The following CPN1 variants were observed in gnomAD, a reference collection of about 807,000 sequenced individuals.
CPN1 encodes carboxypeptidase N catalytic chain.
Under a neutral mutation model 46.4 loss-of-function variants are expected in CPN1, and 37 were observed. That is an observed-to-expected ratio of 0.80 (90% CI 0.61 to 1.05). CPN1 has a LOEUF of 1.05. CPN1 is among the 50% of genes least tolerant of loss of function. The pLI is 0.00. For missense variants in CPN1, 563 were observed against 602.6 expected (o/e 0.93, Z 0.69); for synonymous variants, 224 against 235.4 (o/e 0.95, Z 0.44).
In CPN1 at chr10:100,042,312, G is replaced by T; in HGVS notation, c.*115C>A. ...GAACAGATGGAGACCATTCTGAATT[G>T]TTCTGAATATGTTTGTATTTAAATA... On this transcript the variant is annotated 3_prime_UTR_variant, in exon 9 of 9. Transcript: ENST00000370418. 10 of 1,392,676 alleles carry T rather than the reference G, an allele frequency of 7.2e-6. No individual in the cohort carries two copies. The highest frequency in any genetic ancestry group is 1.0e-5 in the Non-Finnish European group (10 of 987,794). 86.3% of individuals were successfully genotyped at this position (1,392,676 alleles called of 1,614,324 possible).
chr10:100,069,809 G>C lies in CPN1; in HGVS notation c.481C>G (p.Arg161Gly). The C allele has an allele frequency of 6.2e-7, 1 of 1,613,824 alleles. No homozygotes were observed. The highest frequency in any genetic ancestry group is 8.5e-7 in the Non-Finnish European group (1 of 1,179,980). ...TAGGTATTGAGATCAGGGAAGTTGC[G>C]GTTCAGGTCCACTCCATTTGCATTG... ...RNNANGVDLN[R>G]NFPDLNTYIY... The change falls in exon 3 of 9, where the codon CGC (arginine) becomes GGC (glycine). Residue 161 changes from arginine (R) to glycine (G), a missense_variant. Physicochemically the swap from Arg to Gly is moderately radical, Grantham distance 125. Coordinates refer to ENST00000370418, the MANE Select transcript of CPN1 (RefSeq NM_001308.3).
At chr10:100,078,167 C>T (rs909091133) in intron 1 of CPN1, among the ~76,000 whole-genome samples, 1 of 152,114 alleles carries the variant, frequency 6.6e-6, no homozygotes, top group African/African-American at 2.4e-5. Flanking sequence ...CCCGCCTCAG[C>T]CTCCTGAGGA....
rs191109280 is a variant in CPN1, at chr10:100,055,766, C to T, written c.1011+1247G>A. Among the ~76,000 whole-genome samples the T allele has an allele frequency of 3.5e-4, 53 of 152,286 alleles. No homozygotes were observed. The East Asian group carries it at 5.2e-3, about 15-fold the overall frequency. On this transcript the variant is annotated intron_variant, in intron 6 of 8. Coordinates refer to ENST00000370418, the MANE Select transcript of CPN1 (RefSeq NM_001308.3). ...CTCAAACTCCCAAACTCAGGTGATCCGCCCGCCTCGGCCTCCCAAAGTGCT... is the reference window on the plus strand; with the variant it reads ...CTCAAACTCCCAAACTCAGGTGATCTGCCCGCCTCGGCCTCCCAAAGTGCT...
intron 1 of CPN1, 55 bp from the exon 2 acceptor site, chr10:100,076,162 T>G: frequency 6.5e-7 from 1 of 1,541,492 alleles, no homozygotes; most frequent in Non-Finnish European, 9.0e-7. Flanking sequence ...ATGCCTAACC[T>G]TGCAGAAGGA....
chr10:100,063,820 T>G lies in CPN1; in HGVS notation c.760-95A>C, dbSNP rs1483785328. 1.0e-5 allele frequency: 9 copies of G among 887,980 alleles called. No homozygotes were observed. The East Asian group carries it at 2.0e-4, about 19-fold the overall frequency. The allele number at this position is 887,980 out of a possible 1,614,324, so 55.0% of individuals were successfully genotyped here. A position where few individuals can be genotyped will look rare whatever the true frequency, so the allele number is the denominator to read the frequency against. ...CTAGGTTGAAGCCAAGAAGCCCTGC[T>G]GGGTATATAAACAGTGGATTATTTG... On this transcript the variant is annotated intron_variant, in intron 4 of 8. Coordinates refer to ENST00000370418, the MANE Select transcript of CPN1 (RefSeq NM_001308.3).
chr10:100,048,298 T>C (rs867848492), intron 8 of CPN1, among the ~76,000 whole-genome samples: 3 of 152,116 alleles, frequency 2.0e-5, no homozygotes, highest in African/African-American at 4.8e-5. Context: ...AGGAAGGATA[T>C]AACAGGAGAG....
chr10:100,076,974 A>G (rs985454203), intron 1 of CPN1, among the ~76,000 whole-genome samples: 3 of 152,204 alleles, frequency 2.0e-5, no homozygotes, highest in Admixed American at 6.5e-5. Flanking sequence ...AGGATCTGAA[A>G]GTTTCTGGGG....
rs1157434941 is a variant in CPN1 at position 100,065,174 on chromosome 10, G to C, written c.759+14C>G. 1.9e-6 allele frequency: 3 copies of C among 1,608,224 alleles called. No homozygotes were observed. Among genetic ancestry groups the C allele is most frequent in the Non-Finnish European group, 2.6e-6 (3 of 1,175,454 alleles). The stretch of plus-strand genomic sequence containing the variant: ...CCAAGTTCCCCTGGCGGGACAAGCT[G>C]CTTCTCCACATACCTTCTGGAAGAG... On this transcript the variant is annotated intron_variant, in intron 4 of 8. Coordinates refer to ENST00000370418, the MANE Select transcript of CPN1 (RefSeq NM_001308.3).
At chr10:100,066,332 A>G (rs1325060319) in intron 3 of CPN1, among the ~76,000 whole-genome samples, 1 of 152,208 alleles carries the variant, frequency 6.6e-6, no homozygotes, top group Non-Finnish European at 1.5e-5. Flanking sequence ...GACCCTAGAA[A>G]AGGGTTTCCC....
chr10:100,055,374 A>C, intron 6 of CPN1, among the ~76,000 whole-genome samples: 1 of 140,304 alleles, frequency 7.1e-6, no homozygotes, highest in African/African-American at 2.7e-5. Flanking sequence ...CCTGGCAACC[A>C]CCATTTTATC....
chr10:100,060,888 A>G (rs1418656914), intron 5 of CPN1, among the ~76,000 whole-genome samples: 1 of 152,224 alleles, frequency 6.6e-6, no homozygotes, highest in Non-Finnish European at 1.5e-5. Flanking sequence ...ACGAATGGAT[A>G]AAGAAAATGT....
At chr10:100,074,633 T>C (rs2041504031) in intron 2 of CPN1, among the ~76,000 whole-genome samples, 2 of 152,024 alleles carry the variant, frequency 1.3e-5, no homozygotes, top group Admixed American at 6.6e-5. Context: ...GTCAGGCTGA[T>C]CTCGAACTCC....
At chr10:100,061,984 G>T (rs574861204) in intron 5 of CPN1, among the ~76,000 whole-genome samples, 1 of 152,112 alleles carries the variant, frequency 6.6e-6, no homozygotes, top group South Asian at 2.1e-4. Context: ...GAGATTACAG[G>T]TATGAGCCAC....
chr10:100,073,458 T>C (rs1195096049), intron 2 of CPN1, among the ~76,000 whole-genome samples: 1 of 152,168 alleles, frequency 6.6e-6, no homozygotes, highest in African/African-American at 2.4e-5. Flanking sequence ...ATTACTGCTG[T>C]AACAAATTAC....
chr10:100,074,039 C>T (rs76195840), intron 2 of CPN1, among the ~76,000 whole-genome samples: 1 of 152,194 alleles, frequency 6.6e-6, no homozygotes, highest in South Asian at 2.1e-4. Context: ...CCCCATCCCC[C>T]CCCCACAATA....
At chr10:100,062,149 A>G (rs2041422992) in intron 5 of CPN1, among the ~76,000 whole-genome samples, 1 of 152,252 alleles carries the variant, frequency 6.6e-6, no homozygotes, top group African/African-American at 2.4e-5. Flanking sequence ...TGGCCAGGTC[A>G]GATTTGAAGG....
chr10:100,049,147 C>T (rs180989632), intron 7 of CPN1, among the ~76,000 whole-genome samples: 4 of 151,786 alleles, frequency 2.6e-5, no homozygotes, highest in Admixed American at 6.6e-5. Flanking sequence ...TTAGTAGAGA[C>T]GGGGTTTCAT....
At chr10:100,071,262 T>G (rs967548457) in intron 2 of CPN1, among the ~76,000 whole-genome samples, 3 of 152,208 alleles carry the variant, frequency 2.0e-5, no homozygotes, top group Non-Finnish European at 4.4e-5. Flanking sequence ...CACCACAAAC[T>G]AGGTGGTTTA....
At chr10:100,044,470 G>A (rs1431917084) in intron 8 of CPN1, among the ~76,000 whole-genome samples, 1 of 152,078 alleles carries the variant, frequency 6.6e-6, no homozygotes, top group Non-Finnish European at 1.5e-5. Context: ...CATCTCCTGG[G>A]TTCAAGTGAT....
Sources: allele counts gnomAD v4.1 joint callset (sites outside exome capture counted in the v4.1 genomes callset), GRCh38; gene constraint gnomAD v4.1.1; transcripts MANE v1.5; gene names NCBI Gene and HGNC (gene_info 2026-07-23, HGNC 2026-07-21).